Variants in MAP6 observed in about 807,000 individuals in gnomAD.
The protein encoded by MAP6 is microtubule-associated protein 6.
A neutral mutation model predicts 42.4 loss-of-function variants in MAP6; 26 were observed. The ratio of observed to expected loss-of-function variants is 0.61; its 90% CI spans 0.45 to 0.85. The LOEUF (loss-of-function observed/expected upper bound fraction) is 0.85. MAP6 is among the 40% of genes least tolerant of loss of function. The pLI, the probability that MAP6 is intolerant of heterozygous loss-of-function variation, is 0.00. For synonymous variants in MAP6, 418 were observed against 443.8 expected, an observed-to-expected ratio of 0.94 and a Z score of 0.73; for missense variants, 966 against 1,099.0, an observed-to-expected ratio of 0.88 and a Z score of 1.71.
At chr11:75,596,184 A>G (rs1942575934) in intron 3 of MAP6, 1 of 152,254 alleles carries the variant, frequency 6.6e-6, no homozygotes, top group South Asian at 2.1e-4. Context: ...GCAGACAGAA[A>G]GCCCTCTCCT....
At chr11:75,644,404 C>A (rs1031208511) in intron 1 of MAP6, among the ~76,000 whole-genome samples, 5 of 152,164 alleles carry the variant, frequency 3.3e-5, no homozygotes, top group Admixed American at 6.5e-5. Flanking sequence ...ACAACTACTG[C>A]TGCTAATAGT....
intron 1 of MAP6, chr11:75,635,839 C>G (rs1310941406): frequency 6.6e-6 from 1 of 152,258 alleles, no homozygotes; most frequent in Non-Finnish European, 1.5e-5. Context: ...GGATGCTACG[C>G]CCGTGTAAGG....
chr11:75,651,686 G>A (rs1227718262), intron 1 of MAP6, among the ~76,000 whole-genome samples: 1 of 152,174 alleles, frequency 6.6e-6, no homozygotes, highest in Non-Finnish European at 1.5e-5. Flanking sequence ...AAGACAAAGA[G>A]ACTCTTACAT....
intron 3 of MAP6, among the ~76,000 whole-genome samples, chr11:75,589,282 G>C (rs1220431435): frequency 1.3e-5 from 2 of 152,212 alleles, no homozygotes; most frequent in Admixed American, 6.5e-5. Flanking sequence ...ACACTGTGGA[G>C]AGCGTGTGAC....
chr11:75,620,858 C>A (rs1287204169), intron 1 of MAP6, among the ~76,000 whole-genome samples: 3 of 152,048 alleles, frequency 2.0e-5, no homozygotes, highest in South Asian at 2.1e-4. Flanking sequence ...AGACCGGGCA[C>A]GGTGGCTCAC....
chr11:75,592,278 T>A (rs1361188463), intron 3 of MAP6, among the ~76,000 whole-genome samples: 8 of 152,202 alleles, frequency 5.3e-5, no homozygotes, highest in Non-Finnish European at 1.2e-4. Flanking sequence ...ATATCCCCAC[T>A]GCAGGCCAGG....
chr11:75,600,762 C>T (rs1159076232), intron 3 of MAP6, among the ~76,000 whole-genome samples: 1 of 152,208 alleles, frequency 6.6e-6, no homozygotes, highest in Non-Finnish European at 1.5e-5. Context: ...CACAGTGACA[C>T]ACTAAAGGAG....
chr11:75,593,121 C>T (rs1258270780), intron 3 of MAP6, among the ~76,000 whole-genome samples: 1 of 152,186 alleles, frequency 6.6e-6, no homozygotes, highest in South Asian at 2.1e-4. Flanking sequence ...TCAGCTAATT[C>T]CTTGTATTCT....
intron 1 of MAP6, among the ~76,000 whole-genome samples, chr11:75,664,958 T>A (rs971536141): frequency 2.6e-5 from 4 of 152,238 alleles, no homozygotes; most frequent in African/African-American, 9.6e-5. Flanking sequence ...AAGAAATTGA[T>A]GTTTCTTAGC....
Position 75,667,801 on chromosome 11 carries a change from A to G in MAP6, c.569T>C (p.Ile190Thr), listed in dbSNP as rs760750366. The G allele has an allele frequency of 7.6e-7, 1 of 1,309,732 alleles. No homozygotes were observed. The allele number at this position is 1,309,732 out of a possible 1,614,324, so 81.1% of individuals were successfully genotyped here. A position where few individuals can be genotyped will look rare whatever the true frequency, so the allele number is the denominator to read the frequency against. Residue 190 changes from isoleucine to threonine, a missense_variant, in exon 1 of 4, where the codon ATT (isoleucine) becomes ACT (threonine). Coordinates refer to ENST00000304771, the MANE Select transcript of MAP6 (RefSeq NM_033063.2). This position sits in a 1 kb window ranked among gnomAD's most constrained non-coding sequence, Gnocchi z 5.6. ...ISAASQASAP[I>T]LGAPKRRPQS... is the part of the protein sequence containing the mutation. ...CGGCCGGCGCTTGGGCGCCCCGAGA[A>G]TGGGCGCCGACGCCTGGGAGGCCGC...
At chr11:75,646,119 A>T (rs890658050) in intron 1 of MAP6, among the ~76,000 whole-genome samples, 5 of 152,092 alleles carry the variant, frequency 3.3e-5, no homozygotes, top group African/African-American at 1.2e-4. Context: ...AAAACAGCAA[A>T]CACAGAGAGA....
At chr11:75,603,588 C>T (rs956498902) in intron 3 of MAP6, 1 of 951,486 alleles carries the variant, frequency 1.1e-6, no homozygotes, top group African/African-American at 2.2e-5. Context: ...GTCCCTGGGG[C>T]AGTGAGTGGG....
At chr11:75,664,099 T>C (rs1224860743) in intron 1 of MAP6, among the ~76,000 whole-genome samples, 1 of 152,234 alleles carries the variant, frequency 6.6e-6, no homozygotes, top group Non-Finnish European at 1.5e-5. Context: ...ATTGAGAACG[T>C]CAGGTCTAAA....
chr11:75,646,589 G>A (rs1054205037), intron 1 of MAP6, among the ~76,000 whole-genome samples: 11 of 151,096 alleles, frequency 7.3e-5, no homozygotes, highest in African/African-American at 2.4e-4. Context: ...CGGATCACCT[G>A]AGGTTGGGAG....
At chr11:75,666,183 A>G (rs1038490812) in intron 1 of MAP6, among the ~76,000 whole-genome samples, 1 of 152,126 alleles carries the variant, frequency 6.6e-6, no homozygotes, top group Non-Finnish European at 1.5e-5. Flanking sequence ...TAGCTCAATT[A>G]CTTTCATACA....
intron 1 of MAP6, among the ~76,000 whole-genome samples, chr11:75,617,166 A>G (rs959898313): frequency 1.6e-4 from 24 of 152,194 alleles, no homozygotes; most frequent in Admixed American, 1.2e-3. Context: ...TCATTCAAAG[A>G]AAGTCCACAG....
At chr11:75,588,722 C>A (rs1942418434) in intron 3 of MAP6, among the ~76,000 whole-genome samples, 2 of 152,166 alleles carry the variant, frequency 1.3e-5, no homozygotes, top group Non-Finnish European at 2.9e-5. Context: ...CCATGGCATA[C>A]CAGGAAAGGA....
At chr11:75,659,439 G>A (rs898311600) in intron 1 of MAP6, among the ~76,000 whole-genome samples, 1 of 152,172 alleles carries the variant, frequency 6.6e-6, no homozygotes, top group African/African-American at 2.4e-5. Flanking sequence ...CCAAGATGGT[G>A]CCACTGTACT....
intron 1 of MAP6, among the ~76,000 whole-genome samples, chr11:75,662,619 G>C (rs927461345): frequency 2.0e-5 from 3 of 152,164 alleles, no homozygotes; most frequent in Admixed American, 6.5e-5. Flanking sequence ...TGTGGCCCAG[G>C]AATCTGCATT....
Sources: gnomAD v4.1 joint callset for allele counts (sites outside exome capture counted in the v4.1 genomes callset) on GRCh38, gnomAD v4.1.1 for gene constraint, Gnocchi (gnomAD v3.1) non-coding constraint, MANE v1.5 for transcripts, NCBI Gene and HGNC (gene_info 2026-07-23, HGNC 2026-07-21) for gene names.